MATN2: variants seen among roughly 807,000 people sequenced by gnomAD.
MATN2 encodes matrilin-2.
Under a neutral mutation model 103.2 loss-of-function variants are expected in MATN2, and 69 were observed. The ratio of observed to expected loss-of-function variants is 0.67; its 90% CI spans 0.55 to 0.82. MATN2 has a LOEUF of 0.82. Among genes scored for constraint, MATN2 ranks in the 40% least tolerant of loss-of-function variants. The probability of loss-of-function intolerance (pLI) is 0.00; values close to 1 mark genes in which losing one functional copy is unlikely to be tolerated. For missense variants in MATN2, 1,023 were observed against 1,211.5 expected, an observed-to-expected ratio of 0.84 and a Z score of 2.31; for synonymous variants, 429 against 450.2, an observed-to-expected ratio of 0.95 and a Z score of 0.60.
intron 4 of MATN2, among the ~76,000 whole-genome samples, chr8:97,953,979 AAAAAT>A (rs1811055220): frequency 6.6e-6 from 1 of 152,142 alleles, no homozygotes; most frequent in African/African-American, 2.4e-5. Flanking sequence ...TTAAAAATAA[AAAAAT>A]AAAATAAAAA....
Position 98,035,803 on chromosome 8 carries a change from C to A in MATN2, c.*91C>A. On this transcript the variant is annotated 3_prime_UTR_variant, in exon 19 of 19. Coordinates refer to ENST00000254898, the MANE Select transcript of MATN2 (RefSeq NM_002380.5). ...CCCAAAGCTCAGGCTATTGTTAAAT[C>A]AATAATGTTGTGAAGTAAAACAATC... The A allele has an allele frequency of 4.0e-6, 3 of 752,708 alleles. No individual in the cohort carries two copies. The highest frequency in any genetic ancestry group is 6.2e-6 in the Non-Finnish European group (3 of 481,584). The allele number at this position is 752,708 out of a possible 1,614,324, so 46.6% of individuals were successfully genotyped here. A position where few individuals can be genotyped will look rare whatever the true frequency, so the allele number is the denominator to read the frequency against.
intron 3 of MATN2, among the ~76,000 whole-genome samples, chr8:97,941,510 G>C (rs571164630): frequency 6.6e-6 from 1 of 152,262 alleles, no homozygotes. Context: ...GAAATTTCTT[G>C]CTTTTTTTTG....
chr8:98,008,495 C>G (rs1813048749), intron 10 of MATN2, among the ~76,000 whole-genome samples: 1 of 152,224 alleles, frequency 6.6e-6, no homozygotes, highest in African/African-American at 2.4e-5. Context: ...TTTATATCAT[C>G]TATTCATCTA....
chr8:97,926,101 A>G (rs1468248029), intron 2 of MATN2, among the ~76,000 whole-genome samples: 1 of 152,208 alleles, frequency 6.6e-6, no homozygotes, highest in Non-Finnish European at 1.5e-5. Context: ...CATTTGCCCA[A>G]TACATGGACT....
At chr8:97,926,553 T>C (rs769795411) in intron 2 of MATN2, among the ~76,000 whole-genome samples, 3 of 152,190 alleles carry the variant, frequency 2.0e-5, no homozygotes, top group African/African-American at 2.4e-5. Context: ...CTTGCAGAGA[T>C]AGAGTCAACT....
In MATN2 at chr8:98,007,304, G is replaced by T; in HGVS notation, c.1450+77G>T. ...ACCTATGTGACTGCAGAGGGCACAG[G>T]TTGTACTTGGGCACCCCTCCCCTGC... On this transcript the variant is annotated intron_variant, in intron 9 of 18. Coordinates refer to ENST00000254898, the MANE Select transcript of MATN2 (RefSeq NM_002380.5). This position sits in a 1 kb window ranked among gnomAD's most constrained non-coding sequence, Gnocchi z 4.2. 1.3e-6 allele frequency: 2 copies of T among 1,595,626 alleles called. No individual in the cohort carries two copies. Among genetic ancestry groups the T allele is most frequent in the African/African-American group, 1.3e-5 (1 of 74,704 alleles).
At chr8:97,903,696 T>C (rs1288764461) in intron 2 of MATN2, among the ~76,000 whole-genome samples, 1 of 152,156 alleles carries the variant, frequency 6.6e-6, no homozygotes, top group Non-Finnish European at 1.5e-5. Flanking sequence ...CTGTGTCAGC[T>C]AGCAAAAGAG....
rs994920923 is a variant in MATN2, at chr8:97,982,435, T to A, written c.1081+3427T>A. Among the ~76,000 whole-genome samples the A allele has an allele frequency of 2.2e-4, 34 of 152,324 alleles. No homozygotes were observed. Among genetic ancestry groups the A allele is most frequent in the Admixed American group, 1.2e-3 (18 of 15,300 alleles). On this transcript the variant is annotated intron_variant, in intron 6 of 18. Coordinates refer to ENST00000254898, the MANE Select transcript of MATN2 (RefSeq NM_002380.5). This position sits in a 1 kb window ranked among gnomAD's most constrained non-coding sequence, Gnocchi z 4.3. The stretch of plus-strand genomic sequence containing the variant: ...GCTGTGATGTTGAAAGATTTTTTTT[T>A]AAAATTCTACTTCTTATACACTTGC...
chr8:97,944,498 G>C (rs190230007), intron 4 of MATN2, among the ~76,000 whole-genome samples: 1 of 152,308 alleles, frequency 6.6e-6, no homozygotes, highest in East Asian at 1.9e-4. Flanking sequence ...CAGGGGCCTT[G>C]GTGGAAGAAC....
intron 10 of MATN2, among the ~76,000 whole-genome samples, chr8:98,014,073 A>G (rs1239536054): frequency 2.6e-5 from 4 of 152,076 alleles, no homozygotes; most frequent in Admixed American, 2.0e-4. Context: ...ACACCACTGC[A>G]CTCCAGCCTG....
intron 2 of MATN2, among the ~76,000 whole-genome samples, chr8:97,927,052 T>C (rs1390696717): frequency 3.9e-5 from 6 of 152,236 alleles, no homozygotes; most frequent in African/African-American, 1.4e-4. Flanking sequence ...ACCAGGGAGC[T>C]TGTTAGAAAT....
intron 10 of MATN2, among the ~76,000 whole-genome samples, chr8:98,014,337 A>G (rs1813285084): frequency 2.0e-5 from 3 of 152,174 alleles, no homozygotes; most frequent in Admixed American, 1.3e-4. Flanking sequence ...CCAGTTGTCT[A>G]TATCATGGAT....
At position 98,035,768 on chromosome 8, in the gene MATN2, A is replaced by C; in HGVS notation, c.*56A>C. The stretch of plus-strand genomic sequence containing the variant: ...TTGTATCACGGATTACAATGAACGC[A>C]GTGCAGAGCCCCAAAGCTCAGGCTA... On this transcript the variant is annotated 3_prime_UTR_variant, in exon 19 of 19. Coordinates refer to ENST00000254898, the MANE Select transcript of MATN2 (RefSeq NM_002380.5). 8.8e-7 allele frequency: 1 copy of C among 1,131,114 alleles called. No homozygotes were observed. Among genetic ancestry groups the C allele is most frequent in the Non-Finnish European group, 1.3e-6 (1 of 776,910 alleles). 70.1% of individuals were successfully genotyped at this position (1,131,114 alleles called of 1,614,324 possible).
At chr8:98,009,239 CT>C (rs1813077762) in intron 10 of MATN2, among the ~76,000 whole-genome samples, 1 of 152,180 alleles carries the variant, frequency 6.6e-6, no homozygotes, top group African/African-American at 2.4e-5. Context: ...TAATTGAAGA[CT>C]TTCTGCCTGT....
intron 2 of MATN2, among the ~76,000 whole-genome samples, chr8:97,927,945 A>G (rs1810044145): frequency 6.6e-6 from 1 of 152,106 alleles, no homozygotes; most frequent in Non-Finnish European, 1.5e-5. Flanking sequence ...CCTCCCTTCA[A>G]AGGTGCCTTA....
At chr8:97,938,789 T>G (rs1320029144) in intron 3 of MATN2, among the ~76,000 whole-genome samples, 1 of 152,216 alleles carries the variant, frequency 6.6e-6, no homozygotes, top group African/African-American at 2.4e-5. Flanking sequence ...AGGGTTAGGT[T>G]CCTGCAATCC....
At chr8:97,915,416 T>A (rs1235960823) in intron 2 of MATN2, among the ~76,000 whole-genome samples, 2 of 152,228 alleles carry the variant, frequency 1.3e-5, no homozygotes, top group Non-Finnish European at 2.9e-5. Context: ...ATTCCTGCAA[T>A]GTTTGTACAA....
intron 5 of MATN2, among the ~76,000 whole-genome samples, chr8:97,974,989 G>A (rs1235616944): frequency 6.6e-6 from 1 of 152,186 alleles, no homozygotes; most frequent in Non-Finnish European, 1.5e-5. Context: ...GATGGTTGAT[G>A]CAGTTGGTTC....
intron 10 of MATN2, among the ~76,000 whole-genome samples, chr8:98,009,407 T>C (rs114810644): frequency 0.042 from 6,363 of 152,240 alleles, 434 homozygotes; most frequent in African/African-American, 0.14. Context: ...TAAAGCCTTT[T>C]GGGGGGCAGT....
Sources: gnomAD v4.1 joint callset for allele counts (sites outside exome capture counted in the v4.1 genomes callset) on GRCh38, gnomAD v4.1.1 for gene constraint, Gnocchi (gnomAD v3.1) non-coding constraint, MANE v1.5 for transcripts, NCBI Gene and HGNC (gene_info 2026-07-23, HGNC 2026-07-21) for gene names.